Variants in LAMTOR5 observed in about 807,000 individuals in gnomAD.
LAMTOR5 encodes ragulator complex protein LAMTOR5.
Under a neutral mutation model 12.1 loss-of-function variants are expected in LAMTOR5, and 8 were observed. That is an observed-to-expected ratio of 0.66 (90% CI 0.39 to 1.19). The LOEUF (loss-of-function observed/expected upper bound fraction) is 1.19, where lower values mean the gene tolerates loss of function less well. Among genes scored for constraint, LAMTOR5 ranks in the 50% most tolerant of loss-of-function variants. LAMTOR5 has a pLI of 0.01. For missense variants in LAMTOR5, 110 were observed against 112.8 expected (o/e 0.97, Z 0.11); for synonymous variants, 37 against 41.9 (o/e 0.88, Z 0.45).
chr1:110,407,467 C>CG lies in LAMTOR5; in HGVS notation c.35+118dup, dbSNP rs1372256162. ...AGTTTAGCCCCCTCATCCCGTGTCC[C>CG]GGGGGTCGCGCGACGTCCCCGAGAC... is the stretch of plus-strand genomic sequence containing the variant. On this transcript the variant is annotated intron_variant, in intron 1 of 3. Coordinates refer to ENST00000602318, the MANE Select transcript of LAMTOR5 (RefSeq NM_001382293.1). The CG allele has an allele frequency of 1.2e-5, 16 of 1,287,232 alleles. No individual in the cohort carries two copies. The Middle Eastern group carries it at 8.3e-4, about 66-fold the overall frequency. 79.7% of individuals were successfully genotyped at this position (1,287,232 alleles called of 1,614,324 possible). A position where few individuals can be genotyped will look rare whatever the true frequency, so the allele number is the denominator to read the frequency against.
intron 3 of LAMTOR5, chr1:110,403,531 T>G (rs1219594473): frequency 6.3e-6 from 1 of 159,012 alleles, no homozygotes; most frequent in Non-Finnish European, 1.4e-5. Context: ...GTGAATCGCT[T>G]GAGCCCGGTG....
chr1:110,403,711 A>G (rs1663271068), intron 3 of LAMTOR5: 3 of 576,406 alleles, frequency 5.2e-6, no homozygotes, highest in East Asian at 7.1e-5. Flanking sequence ...GCTTCTGCCA[A>G]TTCTTATTCT....
intron 1 of LAMTOR5, 60 bp downstream of exon 1, chr1:110,407,526 T>C: frequency 4.4e-6 from 7 of 1,575,636 alleles, no homozygotes; most frequent in Non-Finnish European, 6.0e-6. Flanking sequence ...GCGCCTTTCG[T>C]TCCGCTCAAG....
At position 110,405,481 on chromosome 1, in the gene LAMTOR5, A is replaced by C. The variant is rs116063660; in HGVS notation, c.97+837T>G. On this transcript the variant is annotated intron_variant, in intron 2 of 3. Transcript: ENST00000602318. ...CATCCGGCCTCTTTTTTTAAATTTT[A>C]AAAACATATATATATGTTTATTGTA... is the stretch of plus-strand genomic sequence containing the variant. Among the ~76,000 whole-genome samples, 657 of 152,068 alleles carry C rather than the reference A, an allele frequency of 4.3e-3. 4 individuals are homozygous for C. Among genetic ancestry groups the C allele is most frequent in the African/African-American group, 0.015 (632 of 41,470 alleles).
In LAMTOR5 at chr1:110,401,883, G is replaced by C. The variant is rs567043134; in HGVS notation, c.216-300C>G. 3.3e-5 allele frequency among the ~76,000 whole-genome samples: 5 copies of C among 152,062 alleles called. No homozygotes were observed. The South Asian group carries it at 1.0e-3, about 32-fold the overall frequency. The stretch of plus-strand genomic sequence containing the variant: ...TGCCCAAGCTGGCCTCAAACTCCTG[G>C]GCTCAAGCAATCCTGCTTCAGCCAC... On this transcript the variant is annotated intron_variant, in intron 3 of 3. Transcript: ENST00000602318.
chr1:110,402,260 CTTTTTTTT>C (rs1382135303), intron 3 of LAMTOR5, among the ~76,000 whole-genome samples: 22 of 151,690 alleles, frequency 1.5e-4, no homozygotes, highest in Admixed American at 1.4e-3. Context: ...TACTTTTTTT[CTTTTTTTT>C]GAGACGGAGT....
upstream of LAMTOR5, chr1:110,407,833 G>C: frequency 6.2e-7 from 1 of 1,613,908 alleles, no homozygotes; most frequent in Non-Finnish European, 8.5e-7. Context: ...CTCCCCGCGC[G>C]GTGACCGTCG....
chr1:110,406,892 GA>G (rs1306413044), intron 1 of LAMTOR5: 3 of 444,192 alleles, frequency 6.8e-6, no homozygotes, highest in Admixed American at 4.1e-5. Context: ...TCTGATGAGA[GA>G]AAAAAATGTG....
chr1:110,403,962 C>T lies in LAMTOR5; in HGVS notation c.172G>A (p.Asp58Asn). ...LAQQAAKLTS[D>N]PTDIPVVCLE... The stretch of plus-strand genomic sequence containing the variant: ...CACACCACAGGAATATCAGTGGGGT[C>T]AGAGGTTAGCTTAGCTGCTTGCTGG... The change falls in exon 3 of 4, where the codon GAC (aspartate) becomes AAC (asparagine). Residue 58 changes from aspartate to asparagine, a missense_variant. Asp to Asn is a conservative substitution (Grantham distance 23). Transcript: ENST00000602318. The T allele has an allele frequency of 6.2e-7, 1 of 1,614,196 alleles. No individual in the cohort carries two copies. Among genetic ancestry groups the T allele is most frequent in the Non-Finnish European group, 8.5e-7 (1 of 1,180,032 alleles).
chr1:110,405,706 T>C (rs188416594), intron 2 of LAMTOR5, among the ~76,000 whole-genome samples: 2 of 152,286 alleles, frequency 1.3e-5, no homozygotes, highest in Non-Finnish European at 2.9e-5. Flanking sequence ...ACAATGGTGC[T>C]TGGCACATAA....
At position 110,406,440 on chromosome 1, in the gene LAMTOR5, T is replaced by C. The variant is rs570635617; in HGVS notation, c.36-61A>G. ...ATGGGAGAAAAAGGATTTAAATAAG[T>C]ACAAACATACAGGTGTTCTATGTAC... On this transcript the variant is annotated intron_variant, in intron 1 of 3. Transcript: ENST00000602318. The C allele has an allele frequency of 3.1e-5, 36 of 1,147,258 alleles. No homozygotes were observed. The African/African-American group carries it at 4.9e-4, about 16-fold the overall frequency. The allele number at this position is 1,147,258 out of a possible 1,614,324, so 71.1% of individuals were successfully genotyped here. A position where few individuals can be genotyped will look rare whatever the true frequency, so the allele number is the denominator to read the frequency against.
chr1:110,401,920 G>T (rs1398987311), intron 3 of LAMTOR5, among the ~76,000 whole-genome samples: 1 of 151,816 alleles, frequency 6.6e-6, no homozygotes, highest in Admixed American at 6.6e-5. Flanking sequence ...TCAGTAGCTG[G>T]AACTACAAAA....
At position 110,406,403 on chromosome 1, in the gene LAMTOR5, T is replaced by G. The variant is rs776230452; in HGVS notation, c.36-24A>C. The G allele has an allele frequency of 5.1e-6, 8 of 1,559,588 alleles. No homozygotes were observed. In the African/African-American group the frequency reaches 1.1e-4, roughly 21 times the overall value. On this transcript the variant is annotated intron_variant, in intron 1 of 3. Coordinates refer to ENST00000602318, the MANE Select transcript of LAMTOR5 (RefSeq NM_001382293.1). ...TTCTAATTCCAGGAACACAAGAGAG[T>G]TGAAGTACATAATGGGAGAAAAAGG...
intron 2 of LAMTOR5, among the ~76,000 whole-genome samples, chr1:110,405,263 C>T (rs1035588651): frequency 1.3e-5 from 2 of 151,764 alleles, no homozygotes; most frequent in Non-Finnish European, 2.9e-5. Context: ...CAGGTTCAAG[C>T]GATTCTCCTG....
chr1:110,407,484 C>T (rs76255576), intron 1 of LAMTOR5, 102 bp downstream of exon 1: 16 of 1,420,942 alleles, frequency 1.1e-5, no homozygotes, highest in East Asian at 2.5e-5. Context: ...CGCGCGACGT[C>T]CCCGAGACGC....
chr1:110,407,630 C>A lies in LAMTOR5; in HGVS notation c.-10G>T. On this transcript the variant is annotated 5_prime_UTR_variant, in exon 1 of 4. Transcript: ENST00000602318. ...CCAAGGTCGCCTCCATCCCACCCAC[C>A]GACCACTCCGGCTCAGAACCCAGCG... The A allele has an allele frequency of 1.2e-6, 2 of 1,614,206 alleles. No individual in the cohort carries two copies. The highest frequency in any genetic ancestry group is 1.7e-6 in the Non-Finnish European group (2 of 1,180,028).
chr1:110,407,865 A>G (rs1663373487), upstream of LAMTOR5: 1 of 1,612,488 alleles, frequency 6.2e-7, no homozygotes, highest in Non-Finnish European at 8.5e-7. Context: ...ACCTGGCTCC[A>G]TGGCGGAACC....
intron 3 of LAMTOR5, 115 bp from the exon 4 acceptor site, chr1:110,401,698 G>T (rs550274282): frequency 5.4e-6 from 6 of 1,108,786 alleles, no homozygotes; most frequent in Non-Finnish European, 7.7e-6. Flanking sequence ...TTGTTTCTAC[G>T]TATAAAAGCA....
intron 2 of LAMTOR5, among the ~76,000 whole-genome samples, chr1:110,405,147 C>A (rs1461277709): frequency 6.7e-6 from 1 of 149,898 alleles, no homozygotes; most frequent in Non-Finnish European, 1.5e-5. Flanking sequence ...GTTATTTAAC[C>A]TCTGTGTCTC....
Sources: allele counts gnomAD v4.1 joint callset (sites outside exome capture counted in the v4.1 genomes callset), GRCh38; gene constraint gnomAD v4.1.1; transcripts MANE v1.5; gene names NCBI Gene and HGNC (gene_info 2026-07-23, HGNC 2026-07-21).